COPG2: variants seen among roughly 807,000 people sequenced by gnomAD.
COPG2 encodes coat protein complex I subunit gamma 2.
Under a neutral mutation model 46.3 loss-of-function variants are expected in COPG2, and 37 were observed. The observed-to-expected ratio is 0.80, with a 90% CI of 0.61 to 1.05. COPG2 has a LOEUF of 1.05. Among genes scored for constraint, COPG2 ranks in the 50% least tolerant of loss-of-function variants. The pLI is 0.00. For synonymous variants in COPG2, 159 were observed against 129.7 expected, an observed-to-expected ratio of 1.23 and a Z score of -1.53; for missense variants, 427 against 387.8, an observed-to-expected ratio of 1.10 and a Z score of -0.85.
intron 20 of COPG2, among the ~76,000 whole-genome samples, chr7:130,512,707 T>A (rs1351274813): frequency 1.3e-5 from 2 of 151,972 alleles, no homozygotes; most frequent in African/African-American, 4.8e-5. Context: ...ATCACGCCAC[T>A]GCACTCTAAC....
intron 13 of COPG2, 25 bp from the exon 14 acceptor site, chr7:130,554,749 C>CCATT (rs1793592487): frequency 2.5e-6 from 1 of 398,430 alleles, no homozygotes; most frequent in Non-Finnish European, 4.4e-6. Flanking sequence ...GATAAAACTG[C>CCATT]CATTCATTCT....
At chr7:130,563,384 T>C in intron 10 of COPG2, 48 bp from the exon 11 acceptor site, 1 of 395,296 alleles carries the variant, frequency 2.5e-6, no homozygotes, top group Non-Finnish European at 4.5e-6. Context: ...TAATATTACA[T>C]ATACATACCG....
chr7:130,549,231 C>G, intron 18 of COPG2, 83 bp downstream of exon 18: 1 of 397,910 alleles, frequency 2.5e-6, no homozygotes, highest in Non-Finnish European at 4.4e-6. Flanking sequence ...GAGAACCGAT[C>G]AATTTGAGTA....
At chr7:130,647,943 G>A (rs1282214585) in intron 5 of COPG2, among the ~76,000 whole-genome samples, 4 of 151,914 alleles carry the variant, frequency 2.6e-5, no homozygotes, top group African/African-American at 9.7e-5. Flanking sequence ...TGTTAGCCAG[G>A]ACGGTCTCGA....
chr7:130,551,775 C>T (rs1249459888), intron 15 of COPG2, among the ~76,000 whole-genome samples: 3 of 152,294 alleles, frequency 2.0e-5, no homozygotes, highest in South Asian at 4.2e-4. Context: ...GTAAACTAGC[C>T]AACCTTTGGC....
At chr7:130,523,775 G>A (rs913696158) in intron 20 of COPG2, among the ~76,000 whole-genome samples, 1 of 82,956 alleles carries the variant, frequency 1.2e-5, no homozygotes, top group Non-Finnish European at 2.8e-5. Context: ...CTGTTGTCAC[G>A]GGGAGGAAAG....
rs1231317236 is a variant in COPG2 at position 130,548,442 on chromosome 7, T to C, written c.1938A>G (p.Arg646=). 14 of 398,516 alleles carry C rather than the reference T, an allele frequency of 3.5e-5. No homozygotes were observed. Among genetic ancestry groups the C allele is most frequent in the Non-Finnish European group, 6.2e-5 (14 of 226,064 alleles). 24.7% of individuals were successfully genotyped at this position (398,516 alleles called of 1,614,324 possible). A position where few individuals can be genotyped will look rare whatever the true frequency, so the allele number is the denominator to read the frequency against. The change falls in exon 19 of 24, where the codon CGA becomes CGG. Residue 646 remains arginine (R), a synonymous_variant. Transcript: ENST00000425248. ...GATTGGTAAACATGTGCTTGATACA[T>C]CGAACAAAATATTCTGTCTCTGCTT... ...LTEAETEYFV[R]CIKHMFTNHI...
At chr7:130,658,883 T>C (rs782090929) in intron 4 of COPG2, among the ~76,000 whole-genome samples, 14 of 152,054 alleles carry the variant, frequency 9.2e-5, no homozygotes, top group Admixed American at 2.6e-4. Context: ...GGTTTCACTA[T>C]GTTGACCAGG....
intron 5 of COPG2, among the ~76,000 whole-genome samples, chr7:130,622,128 A>T (rs781808410): frequency 6.6e-6 from 1 of 152,070 alleles, no homozygotes; most frequent in Non-Finnish European, 1.5e-5. Flanking sequence ...ATGACAGGGA[A>T]ATGAACAGGG....
In COPG2 at chr7:130,552,366, T is replaced by A. The variant is rs1793545508; in HGVS notation, c.1533A>T (p.Val511=). 1 of 398,286 alleles carries A rather than the reference T, an allele frequency of 2.5e-6. No individual in the cohort carries two copies. 24.7% of individuals were successfully genotyped at this position (398,286 alleles called of 1,614,324 possible). ...QNESLLPSIL[V]LLQRCMMDTD... ...ATTATTTAACTTACCTCTGTAAGAG[T>A]ACAAGGATGCTTGGGAGAAGACTCT... The change falls in exon 15 of 24, where the codon GTA becomes GTT. Residue 511 remains valine, a synonymous_variant. Transcript: ENST00000425248.
chr7:130,592,395 CA>C (rs1187335882), intron 9 of COPG2, among the ~76,000 whole-genome samples: 185 of 74,940 alleles, frequency 2.5e-3, no homozygotes, highest in East Asian at 0.013. Flanking sequence ...CAAGAATGAT[CA>C]AAAAAAAAAA....
intron 9 of COPG2, among the ~76,000 whole-genome samples, chr7:130,600,264 A>T (rs1457876680): frequency 4.6e-5 from 7 of 151,798 alleles, no homozygotes; most frequent in African/African-American, 1.7e-4. Context: ...TGTCATTTTT[A>T]TTTATTTATT....
At chr7:130,584,466 A>G (rs554314371) in intron 9 of COPG2, among the ~76,000 whole-genome samples, 14 of 152,176 alleles carry the variant, frequency 9.2e-5, no homozygotes, top group Non-Finnish European at 1.9e-4. Context: ...GCAATCAGAC[A>G]AGGATGCCCA....
chr7:130,595,057 C>CA (rs1250978551), intron 9 of COPG2, among the ~76,000 whole-genome samples: 1 of 152,176 alleles, frequency 6.6e-6, no homozygotes, highest in African/African-American at 2.4e-5. Context: ...TAAAAAATTA[C>CA]ACATGACCAT....
rs191463750 is a variant in COPG2, at chr7:130,663,898, C to T, written c.172-860G>A. Among the ~76,000 whole-genome samples the T allele has an allele frequency of 1.8e-3, 269 of 152,054 alleles. 2 individuals carry two copies. Among genetic ancestry groups the T allele is most frequent in the African/African-American group, 6.1e-3 (253 of 41,492 alleles). Reference sequence around the variant, plus strand: ...TGATTACAGGTGTGCACCACCACGCCCAACTAATTTTTTGTTATCTTTAGT... The same window carrying T: ...TGATTACAGGTGTGCACCACCACGCTCAACTAATTTTTTGTTATCTTTAGT... On this transcript the variant is annotated intron_variant, in intron 3 of 23. Transcript: ENST00000425248.
chr7:130,535,881 G>A (rs1344373313), intron 20 of COPG2, among the ~76,000 whole-genome samples: 1 of 152,080 alleles, frequency 6.6e-6, no homozygotes, highest in African/African-American at 2.4e-5. Context: ...AAAAAACAGA[G>A]TAGCTCAGGA....
intron 20 of COPG2, chr7:130,547,366 G>A: frequency 3.8e-6 from 1 of 262,726 alleles, no homozygotes; most frequent in Non-Finnish European, 7.1e-6. Flanking sequence ...TCTCACAAGT[G>A]GTCACATTAT....
At chr7:130,645,068 C>CAAAAAAAAAAA (rs59544911) in intron 5 of COPG2, among the ~76,000 whole-genome samples, 1 of 113,456 alleles carries the variant, frequency 8.8e-6, no homozygotes, top group Non-Finnish European at 1.9e-5. Context: ...ATCCCAAAAA[C>CAAAAAAAAAAA]AAAAAAAAAA....
intron 9 of COPG2, chr7:130,605,240 A>C: frequency 1.9e-6 from 1 of 520,098 alleles, no homozygotes; most frequent in South Asian, 1.4e-5. Context: ...GCCATCTCTA[A>C]TCTGCTGTTA....
Sources: allele counts gnomAD v4.1 joint callset (sites outside exome capture counted in the v4.1 genomes callset), GRCh38; gene constraint gnomAD v4.1.1; transcripts MANE v1.5; gene names NCBI Gene and HGNC (gene_info 2026-07-23, HGNC 2026-07-21).